Variants in ADNP observed in about 807,000 individuals in gnomAD.
ADNP encodes the protein activity dependent neuroprotector homeobox.
ADNP carries 4 observed loss-of-function variants against 84.9 expected under a neutral mutation model. That is an observed-to-expected ratio of 0.05 (90% CI 0.02 to 0.11). The LOEUF is 0.11. Among genes scored for constraint, ADNP ranks in the 10% least tolerant of loss-of-function variants. The pLI is 1.00. For synonymous variants in ADNP, 554 were observed against 468.1 expected (o/e 1.18, Z -2.37); for missense variants, 1,132 against 1,326.0 (o/e 0.85, Z 2.27).
chr20:50,904,279 A>C, intron 3 of ADNP: 1 of 342,672 alleles, frequency 2.9e-6, no homozygotes, highest in South Asian at 3.7e-5. Flanking sequence ...ACTGCAGTGC[A>C]CTCACGATTC....
chr20:50,909,092 C>T (rs1010026476), intron 2 of ADNP, among the ~76,000 whole-genome samples: 3 of 150,614 alleles, frequency 2.0e-5, no homozygotes, highest in African/African-American at 7.3e-5. Flanking sequence ...AAAAATTTGC[C>T]AGCCATGGTG....
At chr20:50,913,944 T>C (rs565672937) in intron 2 of ADNP, 91 of 689,162 alleles carry the variant, frequency 1.3e-4, no homozygotes, top group South Asian at 4.6e-4. Context: ...CTATGCGAGA[T>C]TGGTCTCCTC....
intron 2 of ADNP, among the ~76,000 whole-genome samples, chr20:50,917,320 T>C (rs986465698): frequency 1.3e-5 from 2 of 152,194 alleles, no homozygotes; most frequent in Non-Finnish European, 2.9e-5. Context: ...CTCAAGTCAG[T>C]CAGATGATTC....
At chr20:50,926,287 T>C (rs1253191946) in intron 2 of ADNP, among the ~76,000 whole-genome samples, 1 of 152,218 alleles carries the variant, frequency 6.6e-6, no homozygotes, top group Non-Finnish European at 1.5e-5. Context: ...TGAAAGTTAT[T>C]TTACCTTATG....
At chr20:50,917,382 C>A (rs1364177608) in intron 2 of ADNP, among the ~76,000 whole-genome samples, 2 of 152,228 alleles carry the variant, frequency 1.3e-5, no homozygotes, top group African/African-American at 2.4e-5. Flanking sequence ...TTAAATCACT[C>A]TTACCATCAC....
chr20:50,898,412 A>T (rs901276354), intron 5 of ADNP, among the ~76,000 whole-genome samples: 2 of 152,268 alleles, frequency 1.3e-5, no homozygotes, highest in Non-Finnish European at 2.9e-5. Context: ...CACCGTGTGC[A>T]CCTGTGTCTG....
intron 2 of ADNP, among the ~76,000 whole-genome samples, chr20:50,906,550 T>G (rs745417848): frequency 2.0e-5 from 3 of 152,106 alleles, no homozygotes; most frequent in Non-Finnish European, 4.4e-5. Context: ...AACAAAGACA[T>G]AAAGATTTGG....
chr20:50,920,735 C>T (rs1433959966), intron 2 of ADNP, among the ~76,000 whole-genome samples: 1 of 151,796 alleles, frequency 6.6e-6, no homozygotes, highest in African/African-American at 2.4e-5. Flanking sequence ...AAGAGTAAAA[C>T]GAGGGGAAAA....
intron 4 of ADNP, among the ~76,000 whole-genome samples, chr20:50,902,465 T>TAGACACCACTAAAATA (rs1982083368): frequency 3.3e-5 from 5 of 152,164 alleles, no homozygotes; most frequent in African/African-American, 1.2e-4. Context: ...AAAATAGCAA[T>TAGACACCACTAAAATA]GTTTGCTTAC....
intron 2 of ADNP, among the ~76,000 whole-genome samples, chr20:50,913,177 T>C (rs1201119314): frequency 1.5e-5 from 2 of 137,774 alleles, no homozygotes; most frequent in East Asian, 2.2e-4. Context: ...CGTTTGAACC[T>C]AGGAGGTGGG....
rs751002012 is a variant in ADNP, at chr20:50,892,462, A to C, written c.2252T>G (p.Val751Gly). The C allele has an allele frequency of 6.2e-7, 1 of 1,614,126 alleles. No individual in the cohort carries two copies. Among genetic ancestry groups the C allele is most frequent in the Non-Finnish European group, 8.5e-7 (1 of 1,180,018 alleles). Reference protein sequence around the residue: ...FFEEKPEEPVVLALDPKGHED... With the variant: ...FFEEKPEEPVGLALDPKGHED... ...ATGACCCTTGGGGTCTAAAGCTAAA[A>C]CAACAGGCTCTTCAGGCTTCTCTTC... Residue 751 changes from valine to glycine, a missense_variant, in exon 6 of 6, where the codon GTT becomes GGT. Physicochemically the swap from Val to Gly is moderately radical, Grantham distance 109. Coordinates refer to ENST00000621696, the MANE Select transcript of ADNP (RefSeq NM_001282531.3).
intron 5 of ADNP, among the ~76,000 whole-genome samples, chr20:50,898,086 A>AC (rs1981600061): frequency 6.6e-6 from 1 of 152,192 alleles, no homozygotes; most frequent in African/African-American, 2.4e-5. Flanking sequence ...GCTTTGGTCT[A>AC]CCTCATGGAT....
At chr20:50,894,615 C>T in intron 5 of ADNP, 103 bp from the exon 6 acceptor site, 2 of 1,310,542 alleles carry the variant, frequency 1.5e-6, no homozygotes, top group African/African-American at 1.5e-5. Context: ...TGATTTTAGG[C>T]CGCGCGTGGT....
At chr20:50,918,894 C>T (rs1168788909) in intron 2 of ADNP, among the ~76,000 whole-genome samples, 1 of 152,114 alleles carries the variant, frequency 6.6e-6, no homozygotes, top group Non-Finnish European at 1.5e-5. Context: ...TCATTTATAG[C>T]AAACCAACAA....
At chr20:50,913,127 C>T (rs920739239) in intron 2 of ADNP, among the ~76,000 whole-genome samples, 78 of 151,618 alleles carry the variant, frequency 5.1e-4, no homozygotes, top group African/African-American at 1.9e-3. Context: ...GTGGCACATA[C>T]CTGTAATCCC....
chr20:50,911,483 C>T (rs1206905196), intron 2 of ADNP, among the ~76,000 whole-genome samples: 1 of 151,776 alleles, frequency 6.6e-6, no homozygotes, highest in Non-Finnish European at 1.5e-5. Flanking sequence ...GTGATGGATA[C>T]ACTAAAACCC....
chr20:50,891,272 A>G lies in ADNP; in HGVS notation c.*133T>C. Reference sequence around the variant, plus strand: ...CATAGACTTAGAAATAACCACTGGAACTGCAGCGGCCACATGCCCCACAGT... The same window carrying G: ...CATAGACTTAGAAATAACCACTGGAGCTGCAGCGGCCACATGCCCCACAGT... On this transcript the variant is annotated 3_prime_UTR_variant, in exon 6 of 6. Coordinates refer to ENST00000621696, the MANE Select transcript of ADNP (RefSeq NM_001282531.3). 6 of 1,424,976 alleles carry G rather than the reference A, an allele frequency of 4.2e-6. No homozygotes were observed. Among genetic ancestry groups the G allele is most frequent in the Non-Finnish European group, 5.5e-6 (6 of 1,095,974 alleles). 88.3% of individuals were successfully genotyped at this position (1,424,976 alleles called of 1,614,324 possible).
intron 2 of ADNP, among the ~76,000 whole-genome samples, chr20:50,916,001 T>C (rs1350142564): frequency 6.6e-6 from 1 of 152,198 alleles, no homozygotes; most frequent in Non-Finnish European, 1.5e-5. Flanking sequence ...TCATTGGACT[T>C]TTACTATTCT....
intron 4 of ADNP, among the ~76,000 whole-genome samples, chr20:50,903,271 A>G (rs1176994989): frequency 6.6e-6 from 1 of 152,220 alleles, no homozygotes; most frequent in East Asian, 1.9e-4. Flanking sequence ...CTGCATGGCT[A>G]TCCCACAGAG....
Sources: gnomAD v4.1 joint callset for allele counts (sites outside exome capture counted in the v4.1 genomes callset) on GRCh38, gnomAD v4.1.1 for gene constraint, MANE v1.5 for transcripts, NCBI Gene and HGNC (gene_info 2026-07-23, HGNC 2026-07-21) for gene names.